Variants in MECOM observed in about 807,000 individuals in gnomAD.
MECOM encodes histone-lysine N-methyltransferase MECOM.
In MECOM, 13 loss-of-function variants were observed where a neutral mutation model predicts 116.3. The ratio of observed to expected loss-of-function variants is 0.11; its 90% CI spans 0.07 to 0.18. The LOEUF is 0.18. MECOM is among the 10% of genes least tolerant of loss of function. MECOM has a pLI of 1.00. For synonymous variants in MECOM, 528 were observed against 535.2 expected, an observed-to-expected ratio of 0.99 and a Z score of 0.19; for missense variants, 1,299 against 1,509.0, an observed-to-expected ratio of 0.86 and a Z score of 2.31.
At position 169,291,663 on chromosome 3, in the gene MECOM, G is replaced by T. The variant is rs186389749; in HGVS notation, c.375+89524C>A. On this transcript the variant is annotated intron_variant, in intron 2 of 16. Transcript: ENST00000651503. Reference sequence around the variant, plus strand: ...CCCATTGGATATAGTCATTGTTATAGCATCTATTATTGAAAGTGGGCTCTA... The same window carrying T: ...CCCATTGGATATAGTCATTGTTATATCATCTATTATTGAAAGTGGGCTCTA... Among the ~76,000 whole-genome samples the T allele has an allele frequency of 2.0e-5, 3 of 152,284 alleles. No homozygotes were observed. In the East Asian group the frequency reaches 5.8e-4, roughly 29 times the overall value.
At chr3:169,620,121 G>A (rs1442850707) in intron 1 of MECOM, among the ~76,000 whole-genome samples, 1 of 152,224 alleles carries the variant, frequency 6.6e-6, no homozygotes, top group African/African-American at 2.4e-5. Flanking sequence ...CTTAGAAGGG[G>A]ACAGAATTCT....
At chr3:169,343,628 C>T (rs1474019337) in intron 2 of MECOM, among the ~76,000 whole-genome samples, 1 of 152,156 alleles carries the variant, frequency 6.6e-6, no homozygotes, top group African/African-American at 2.4e-5. Flanking sequence ...GTCAGTGTTG[C>T]TGTTAATTTA....
intron 1 of MECOM, among the ~76,000 whole-genome samples, chr3:169,525,566 G>A (rs1173379144): frequency 6.6e-6 from 1 of 152,164 alleles, no homozygotes; most frequent in African/African-American, 2.4e-5. Context: ...GGGTTGACAT[G>A]TTTTGTTTGG....
chr3:169,437,312 A>T (rs1578099116), intron 1 of MECOM, among the ~76,000 whole-genome samples: 2 of 152,236 alleles, frequency 1.3e-5, no homozygotes, highest in Non-Finnish European at 1.5e-5. Context: ...TGTATTGGTT[A>T]ACTAAAATCA....
intron 1 of MECOM, among the ~76,000 whole-genome samples, chr3:169,617,432 T>C (rs888538763): frequency 6.6e-6 from 1 of 152,026 alleles, no homozygotes; most frequent in Non-Finnish European, 1.5e-5. Flanking sequence ...GGCCTGAGAG[T>C]CTGCATTTTT....
At chr3:169,149,981 GTC>G (rs1201172901) in intron 2 of MECOM, among the ~76,000 whole-genome samples, 14 of 148,200 alleles carry the variant, frequency 9.4e-5, no homozygotes, top group African/African-American at 3.0e-4. Flanking sequence ...GTGTGTGTCT[GTC>G]TGTCTGTCTG....
rs539595471 is a variant in MECOM at position 169,224,728 on chromosome 3, T to C, written c.376-80896A>G. On this transcript the variant is annotated intron_variant, in intron 2 of 16. Transcript: ENST00000651503. ...ATAGTTGGCCTGAGTTTAAAATGTA[T>C]GGCATTCATTATCCACCAGGGACTG... is the stretch of plus-strand genomic sequence containing the variant. Among the ~76,000 whole-genome samples, 4 of 152,322 alleles carry C rather than the reference T, an allele frequency of 2.6e-5. No individual in the cohort carries two copies. In the East Asian group the frequency reaches 7.7e-4, roughly 29 times the overall value.
chr3:169,228,254 C>T (rs550687545), intron 2 of MECOM, among the ~76,000 whole-genome samples: 4 of 152,258 alleles, frequency 2.6e-5, no homozygotes, highest in South Asian at 2.1e-4. Flanking sequence ...TGCCATATTC[C>T]GGGCAATACT....
chr3:169,586,352 G>A (rs892389533), intron 1 of MECOM, among the ~76,000 whole-genome samples: 20 of 152,130 alleles, frequency 1.3e-4, no homozygotes, highest in African/African-American at 4.8e-4. Context: ...GCCAACAACT[G>A]TAATAGTTTG....
chr3:169,215,509 T>C (rs77933759), intron 2 of MECOM, among the ~76,000 whole-genome samples: 2,123 of 152,264 alleles, frequency 0.014, 31 homozygotes, highest in Non-Finnish European at 0.021. Flanking sequence ...GATGGTTACA[T>C]AGATTTGTGA....
At chr3:169,100,153 C>A (rs559857242) in intron 12 of MECOM, among the ~76,000 whole-genome samples, 1 of 130,388 alleles carries the variant, frequency 7.7e-6, no homozygotes, top group East Asian at 2.3e-4. Context: ...GGCTGGAGTG[C>A]AGTGGTGCAA....
chr3:169,560,964 A>C (rs544453818), intron 1 of MECOM, among the ~76,000 whole-genome samples: 2 of 152,134 alleles, frequency 1.3e-5, no homozygotes, highest in South Asian at 4.1e-4. Context: ...GAATTTCTAC[A>C]AATCAATAAG....
At chr3:169,293,451 C>T (rs1171473934) in intron 2 of MECOM, among the ~76,000 whole-genome samples, 3 of 152,174 alleles carry the variant, frequency 2.0e-5, no homozygotes, top group Non-Finnish European at 2.9e-5. Context: ...CTTCTTCGGC[C>T]GCCTTGGCCT....
intron 1 of MECOM, among the ~76,000 whole-genome samples, chr3:169,513,275 A>G (rs1756208605): frequency 6.6e-6 from 1 of 152,234 alleles, no homozygotes; most frequent in Admixed American, 6.5e-5. Flanking sequence ...TGCATCAACC[A>G]CATGCACACA....
chr3:169,543,418 G>T (rs56872774), intron 1 of MECOM, among the ~76,000 whole-genome samples: 31,732 of 152,014 alleles, frequency 0.21, 4,377 homozygotes, highest in East Asian at 0.68. Context: ...CTACAAAAAA[G>T]TTTAAAATTA....
intron 1 of MECOM, among the ~76,000 whole-genome samples, chr3:169,585,089 T>G (rs1236677210): frequency 6.6e-6 from 1 of 152,208 alleles, no homozygotes; most frequent in Non-Finnish European, 1.5e-5. Flanking sequence ...AAGAACATTT[T>G]TAAATATTGG....
chr3:169,601,480 G>T (rs1355859636), intron 1 of MECOM, among the ~76,000 whole-genome samples: 2 of 152,178 alleles, frequency 1.3e-5, no homozygotes, highest in African/African-American at 4.8e-5. Context: ...CCTCTTACAT[G>T]GGAATGTTGG....
At chr3:169,620,849 T>C (rs946954379) in intron 1 of MECOM, among the ~76,000 whole-genome samples, 3 of 129,510 alleles carry the variant, frequency 2.3e-5, no homozygotes, top group African/African-American at 8.9e-5. Flanking sequence ...TTCTTTTCTG[T>C]AAAATAGGAG....
chr3:169,364,258 G>GT (rs1005956181), intron 2 of MECOM, among the ~76,000 whole-genome samples: 2 of 151,826 alleles, frequency 1.3e-5, no homozygotes, highest in Non-Finnish European at 2.9e-5. Context: ...CGACTGTTTT[G>GT]TTAATAGTTA....
Sources: gnomAD v4.1 joint callset for allele counts (sites outside exome capture counted in the v4.1 genomes callset) on GRCh38, gnomAD v4.1.1 for gene constraint, MANE v1.5 for transcripts, NCBI Gene and HGNC (gene_info 2026-07-23, HGNC 2026-07-21) for gene names.